The following B3GALT5 variants were observed in gnomAD, a reference collection of about 807,000 sequenced individuals.
The protein encoded by B3GALT5 is beta-1,3-galactosyltransferase 5.
For missense variants in B3GALT5, 328 were observed against 396.6 expected (o/e 0.83, Z 1.47); for synonymous variants, 156 against 158.6 (o/e 0.98, Z 0.12).
At chr21:39,625,064 C>T (rs747238082) in intron 1 of B3GALT5, among the ~76,000 whole-genome samples, 22 of 152,296 alleles carry the variant, frequency 1.4e-4, no homozygotes, top group Admixed American at 5.9e-4. Context: ...CACTTATGTC[C>T]AATATTACAC....
chr21:39,659,494 A>G (rs1285359623), intron 2 of B3GALT5, among the ~76,000 whole-genome samples: 2 of 152,194 alleles, frequency 1.3e-5, no homozygotes, highest in African/African-American at 4.8e-5. Flanking sequence ...TGTCTCTTTA[A>G]AAAGCTGCTA....
In B3GALT5 at chr21:39,661,758, C is replaced by T. The variant is rs531628024; in HGVS notation, c.*266C>T. ...CATTTCAGGGGTCAGTATCCTATGA[C>T]ATGATGGGTGTTACCATCCTAATTT... is the stretch of plus-strand genomic sequence containing the variant. On this transcript the variant is annotated 3_prime_UTR_variant, in exon 4 of 4. Transcript: ENST00000684187. This position sits in a 1 kb window ranked among gnomAD's most constrained non-coding sequence, Gnocchi z 4.7. 248 of 341,908 alleles carry T rather than the reference C, an allele frequency of 7.3e-4. 1 individual carries two copies. Among genetic ancestry groups the T allele is most frequent in the African/African-American group, 4.9e-3 (234 of 47,298 alleles). The allele number at this position is 341,908 out of a possible 1,614,324, so 21.2% of individuals were successfully genotyped here.
At chr21:39,640,359 G>A (rs1480845640) in intron 1 of B3GALT5, among the ~76,000 whole-genome samples, 1 of 152,170 alleles carries the variant, frequency 6.6e-6, no homozygotes, top group Non-Finnish European at 1.5e-5. Context: ...CTGCTTAGGA[G>A]CCTAGTTGCA....
chr21:39,615,191 G>GT (rs2079101098), intron 1 of B3GALT5, among the ~76,000 whole-genome samples: 1 of 152,166 alleles, frequency 6.6e-6, no homozygotes, highest in Non-Finnish European at 1.5e-5. Context: ...GTTAATTCCA[G>GT]TTTCTTCTCT....
intron 1 of B3GALT5, among the ~76,000 whole-genome samples, chr21:39,629,787 A>G (rs894652851): frequency 2.0e-5 from 3 of 152,212 alleles, no homozygotes; most frequent in Non-Finnish European, 4.4e-5. Context: ...GAACTTTATC[A>G]AACTTACTGT....
At chr21:39,644,749 A>G (rs2079320908) in intron 1 of B3GALT5, among the ~76,000 whole-genome samples, 1 of 152,198 alleles carries the variant, frequency 6.6e-6, no homozygotes, top group African/African-American at 2.4e-5. Flanking sequence ...ATCAACCTTC[A>G]GATTGGGCAT....
At chr21:39,618,842 T>G (rs2079120475) in intron 1 of B3GALT5, among the ~76,000 whole-genome samples, 1 of 152,240 alleles carries the variant, frequency 6.6e-6, no homozygotes, top group Admixed American at 6.5e-5. Flanking sequence ...GCTTTTCATC[T>G]TATGAAATTC....
At chr21:39,639,385 T>A (rs1401683445) in intron 1 of B3GALT5, among the ~76,000 whole-genome samples, 1 of 134,046 alleles carries the variant, frequency 7.5e-6, no homozygotes, top group Non-Finnish European at 1.6e-5. Flanking sequence ...CTTCCTTCCT[T>A]CCTTCCTTCT....
chr21:39,617,184 A>G (rs779328680), intron 1 of B3GALT5, among the ~76,000 whole-genome samples: 2 of 152,076 alleles, frequency 1.3e-5, no homozygotes, highest in Non-Finnish European at 2.9e-5. Flanking sequence ...TAAATCTGTG[A>G]TTAATTATGG....
At chr21:39,654,282 A>G (rs2079421260) in intron 2 of B3GALT5, among the ~76,000 whole-genome samples, 2 of 152,210 alleles carry the variant, frequency 1.3e-5, no homozygotes, top group South Asian at 2.1e-4. Context: ...GGGTTTTGCC[A>G]TGTTGGCCAG....
rs2079580068 is a variant in B3GALT5, at chr21:39,666,530, G to A, written c.*5038G>A. 1 of 152,124 alleles carries A rather than the reference G, an allele frequency of 6.6e-6. No individual in the cohort carries two copies. The highest frequency in any genetic ancestry group is 1.5e-5 in the Non-Finnish European group (1 of 68,104). The allele number at this position is 152,124 out of a possible 1,614,324, so 9.4% of individuals were successfully genotyped here. ...GCTGGTCTTGAGCTCCTGACCTCAG[G>A]TAATCTACGTGCCTCAGCCTCCCAG... is the stretch of plus-strand genomic sequence containing the variant. On this transcript the variant is annotated 3_prime_UTR_variant, in exon 4 of 4. Coordinates refer to ENST00000684187, the MANE Select transcript of B3GALT5 (RefSeq NM_001356336.2).
chr21:39,641,231 T>C lies in B3GALT5; in HGVS notation c.-391-5161T>C, dbSNP rs1278763115. On this transcript the variant is annotated intron_variant, in intron 1 of 3. Coordinates refer to ENST00000684187, the MANE Select transcript of B3GALT5 (RefSeq NM_001356336.2). ...GATAAATCTCACATTACTAAAAACA[T>C]GAAGTTAAAATCCATAGCAGTTGTA... Among the ~76,000 whole-genome samples the C allele has an allele frequency of 2.0e-5, 3 of 152,348 alleles. No individual in the cohort carries two copies. The East Asian group carries it at 5.8e-4, about 29-fold the overall frequency.
rs1569212360 is a variant in B3GALT5 at position 39,639,399 on chromosome 21, T to TC, written c.-391-6993_-391-6992insC. ...CCTTCCTTCCTTCCTTCCTTCTTTCTTTTTCTTTCTTTCTTTCTTTCTTTC... is the reference window on the plus strand; with the variant it reads ...CCTTCCTTCCTTCCTTCCTTCTTTCTCTTTTCTTTCTTTCTTTCTTTCTTTC... On this transcript the variant is annotated intron_variant, in intron 1 of 3. Coordinates refer to ENST00000684187, the MANE Select transcript of B3GALT5 (RefSeq NM_001356336.2). Among the ~76,000 whole-genome samples the TC allele has an allele frequency of 7.7e-3, 504 of 65,290 alleles. 9 individuals are homozygous for TC. Among genetic ancestry groups the TC allele is most frequent in the Non-Finnish European group, 9.4e-3 (301 of 32,004 alleles). 42.8% of individuals were successfully genotyped at this position (65,290 alleles called of 152,430 possible). A position where few individuals can be genotyped will look rare whatever the true frequency, so the allele number is the denominator to read the frequency against.
chr21:39,648,109 T>G (rs910962354), intron 2 of B3GALT5, among the ~76,000 whole-genome samples: 3 of 152,176 alleles, frequency 2.0e-5, no homozygotes, highest in African/African-American at 7.2e-5. Flanking sequence ...AAAAAGTCCA[T>G]TGTAGATTGG....
intron 2 of B3GALT5, among the ~76,000 whole-genome samples, chr21:39,650,413 A>G (rs1387573568): frequency 1.3e-5 from 2 of 152,182 alleles, no homozygotes; most frequent in East Asian, 3.9e-4. Flanking sequence ...GGCCAGGGCA[A>G]TACCTCACGG....
At position 39,659,682 on chromosome 21, in the gene B3GALT5, A is replaced by G. The variant is rs540214302; in HGVS notation, c.-160-71A>G. 1.4e-5 allele frequency: 12 copies of G among 887,274 alleles called. No homozygotes were observed. The African/African-American group carries it at 1.8e-4, about 13-fold the overall frequency. 55.0% of individuals were successfully genotyped at this position (887,274 alleles called of 1,614,324 possible). A position where few individuals can be genotyped will look rare whatever the true frequency, so the allele number is the denominator to read the frequency against. On this transcript the variant is annotated intron_variant, in intron 2 of 3. Coordinates refer to ENST00000684187, the MANE Select transcript of B3GALT5 (RefSeq NM_001356336.2). ...TAGGTTGGAAGGTGACGCTACAGAC[A>G]CGGTAAATTGTGAAGGCCTGCTGGT...
At chr21:39,645,267 A>G (rs2079326620) in intron 1 of B3GALT5, among the ~76,000 whole-genome samples, 1 of 152,156 alleles carries the variant, frequency 6.6e-6, no homozygotes, top group Non-Finnish European at 1.5e-5. Context: ...GTCCAGGATC[A>G]GAGACAACTT....
intron 3 of B3GALT5, among the ~76,000 whole-genome samples, chr21:39,660,129 A>G (rs1422925948): frequency 6.6e-6 from 1 of 152,234 alleles, no homozygotes; most frequent in Non-Finnish European, 1.5e-5. Flanking sequence ...AATGCTGCTT[A>G]ATTAGATCAG....
At position 39,661,696 on chromosome 21, in the gene B3GALT5, C is replaced by A; in HGVS notation, c.*204C>A. 2.0e-6 allele frequency: 1 copy of A among 489,744 alleles called. No homozygotes were observed. Among genetic ancestry groups the A allele is most frequent in the Non-Finnish European group, 3.6e-6 (1 of 278,218 alleles). The allele number at this position is 489,744 out of a possible 1,614,324, so 30.3% of individuals were successfully genotyped here. Reference sequence around the variant, plus strand: ...GGCCCGTCTCTTGGGCACGCACACTCTTCATACTAAGTGTTTGACATACAC... The same window carrying A: ...GGCCCGTCTCTTGGGCACGCACACTATTCATACTAAGTGTTTGACATACAC... On this transcript the variant is annotated 3_prime_UTR_variant, in exon 4 of 4. Transcript: ENST00000684187. The surrounding 1 kb of genome is among the most constrained non-coding windows in gnomAD (Gnocchi z 4.7).
Sources: allele counts gnomAD v4.1 joint callset (sites outside exome capture counted in the v4.1 genomes callset), GRCh38; gene constraint gnomAD v4.1.1; non-coding constraint Gnocchi (gnomAD v3.1); transcripts MANE v1.5; gene names NCBI Gene and HGNC (gene_info 2026-07-23, HGNC 2026-07-21).